The following RGS6 variants were observed in gnomAD, a reference collection of about 807,000 sequenced individuals.
RGS6 encodes the protein regulator of G protein signaling 6.
Under a neutral mutation model 78.5 loss-of-function variants are expected in RGS6, and 30 were observed. That is an observed-to-expected ratio of 0.38 (90% confidence interval 0.29 to 0.52). The LOEUF (loss-of-function observed/expected upper bound fraction) is 0.52, where lower values mean the gene tolerates loss of function less well. Among genes scored for constraint, RGS6 ranks in the 20% least tolerant of loss-of-function variants. RGS6 has a pLI of 0.85. For synonymous variants in RGS6, 206 were observed against 206.0 expected (o/e 1.00, Z 0.00); for missense variants, 495 against 609.7 (o/e 0.81, Z 1.98).
the RGS6 span, among the ~76,000 whole-genome samples, chr14:71,881,435 T>A: frequency 6.6e-5 from 10 of 152,144 alleles, no homozygotes; most frequent in Non-Finnish European, 1.2e-4. Flanking sequence ...GTATTGTAGC[T>A]CCCATAATTA....
intron 6 of RGS6, among the ~76,000 whole-genome samples, chr14:72,465,417 A>G (rs1566913390): frequency 1.3e-5 from 2 of 151,216 alleles, no homozygotes; most frequent in South Asian, 4.2e-4. Flanking sequence ...GAAAGGATTT[A>G]TAGAGGTCAG....
intron 2 of RGS6, among the ~76,000 whole-genome samples, chr14:72,264,093 A>G (rs1249168613): frequency 6.6e-6 from 1 of 152,228 alleles, no homozygotes; most frequent in Non-Finnish European, 1.5e-5. Flanking sequence ...GAAAATCAAT[A>G]GTAGCCTTAT....
At chr14:72,428,818 C>T (rs2094521635) in intron 3 of RGS6, among the ~76,000 whole-genome samples, 1 of 152,204 alleles carries the variant, frequency 6.6e-6, no homozygotes, top group Non-Finnish European at 1.5e-5. Flanking sequence ...CCTTTCCAAA[C>T]TTTTTCCTAA....
chr14:72,198,091 C>T (rs1349545625), intron 2 of RGS6, among the ~76,000 whole-genome samples: 2 of 152,022 alleles, frequency 1.3e-5, no homozygotes, highest in South Asian at 2.1e-4. Context: ...CTGGGCGCAG[C>T]GGCTCACACC....
intron 2 of RGS6, among the ~76,000 whole-genome samples, chr14:72,283,712 C>CA (rs1457560157): frequency 2.0e-5 from 3 of 152,114 alleles, no homozygotes; most frequent in Non-Finnish European, 4.4e-5. Flanking sequence ...TGGACTAATA[C>CA]AGTAAATTGG....
At chr14:72,358,566 A>G (rs1216744337) in intron 3 of RGS6, among the ~76,000 whole-genome samples, 1 of 152,212 alleles carries the variant, frequency 6.6e-6, no homozygotes, top group Non-Finnish European at 1.5e-5. Flanking sequence ...TACCTATTGG[A>G]TTTCAGACTT....
intron 3 of RGS6, among the ~76,000 whole-genome samples, chr14:72,375,268 G>A (rs768724181): frequency 3.3e-5 from 5 of 152,008 alleles, no homozygotes; most frequent in Non-Finnish European, 4.4e-5. Context: ...TAAAAGCATC[G>A]GGTTCCAAAA....
At chr14:72,199,202 T>G (rs2040905663) in intron 2 of RGS6, among the ~76,000 whole-genome samples, 1 of 152,368 alleles carries the variant, frequency 6.6e-6, no homozygotes, top group South Asian at 2.1e-4. Flanking sequence ...AGTTTGGGGC[T>G]GTGGCAATTA....
At chr14:72,414,631 A>G (rs1237646896) in intron 3 of RGS6, among the ~76,000 whole-genome samples, 2 of 152,062 alleles carry the variant, frequency 1.3e-5, no homozygotes, top group Non-Finnish European at 2.9e-5. Context: ...GGAGGAGGAG[A>G]GGTGCTCTGA....
At chr14:72,112,619 C>A (rs996573670) in intron 2 of RGS6, among the ~76,000 whole-genome samples, 12 of 152,186 alleles carry the variant, frequency 7.9e-5, no homozygotes, top group African/African-American at 2.9e-4. Flanking sequence ...CTGAACTAAT[C>A]ATTTTACAGG....
At chr14:72,142,749 A>G (rs1011937300) in intron 2 of RGS6, among the ~76,000 whole-genome samples, 1 of 152,160 alleles carries the variant, frequency 6.6e-6, no homozygotes, top group South Asian at 2.1e-4. Flanking sequence ...ATGTTCAAGG[A>G]TGGTTCCATT....
At chr14:72,293,916 C>T (rs946842326) in intron 2 of RGS6, among the ~76,000 whole-genome samples, 9 of 152,170 alleles carry the variant, frequency 5.9e-5, no homozygotes, top group South Asian at 2.1e-4. Flanking sequence ...CTTGTGGAAA[C>T]GGGACAGGCT....
intron 7 of RGS6, among the ~76,000 whole-genome samples, chr14:72,467,165 C>G (rs142159803): frequency 9.7e-4 from 147 of 152,144 alleles, no homozygotes; most frequent in Admixed American, 2.8e-3. Flanking sequence ...AATTTTTCCC[C>G]CAAACTGAAC....
chr14:72,149,797 G>A (rs1229487725), intron 2 of RGS6, among the ~76,000 whole-genome samples: 1 of 152,190 alleles, frequency 6.6e-6, no homozygotes, highest in African/African-American at 2.4e-5. Flanking sequence ...AATTTAAATT[G>A]TAGACATATT....
chr14:72,297,048 G>A (rs1036962384), intron 2 of RGS6, among the ~76,000 whole-genome samples: 5 of 151,914 alleles, frequency 3.3e-5, no homozygotes, highest in Non-Finnish European at 7.4e-5. Context: ...TTTTTCAATT[G>A]AATTGCTTTG....
chr14:72,549,246 G>T lies in RGS6; in HGVS notation c.1422+9152G>T, dbSNP rs1334073701. 3.5e-4 allele frequency among the ~76,000 whole-genome samples: 51 copies of T among 146,484 alleles called. 1 individual carries two copies. The highest frequency in any genetic ancestry group is 6.5e-4 in the South Asian group (3 of 4,634). The stretch of plus-strand genomic sequence containing the variant: ...ATCCTTGCCTTCTTTTCTGTTTTTT[G>T]TTTTTTTTTTTGGCATTTGCTGCCG... On this transcript the variant is annotated intron_variant, in intron 17 of 17. Transcript: ENST00000553525.
At chr14:72,007,836 A>G (rs1313538599) in intron 2 of RGS6, among the ~76,000 whole-genome samples, 2 of 152,126 alleles carry the variant, frequency 1.3e-5, no homozygotes, top group Non-Finnish European at 2.9e-5. Context: ...AGGGATTCCC[A>G]GAAGACCCAT....
intron 2 of RGS6, among the ~76,000 whole-genome samples, chr14:72,317,884 A>G (rs1216536977): frequency 6.6e-6 from 1 of 152,194 alleles, no homozygotes; most frequent in Non-Finnish European, 1.5e-5. Flanking sequence ...AGGTCCCACA[A>G]TAGGCTGTCT....
chr14:72,556,866 T>C (rs889246192), intron 17 of RGS6, among the ~76,000 whole-genome samples: 1 of 152,244 alleles, frequency 6.6e-6, no homozygotes, highest in African/African-American at 2.4e-5. Flanking sequence ...CTTGACTTTT[T>C]TAAAAAAATT....
Sources: allele counts gnomAD v4.1 joint callset (sites outside exome capture counted in the v4.1 genomes callset), GRCh38; gene constraint gnomAD v4.1.1; transcripts MANE v1.5; gene names NCBI Gene and HGNC (gene_info 2026-07-23, HGNC 2026-07-21).